Variants in ASTN2 observed in about 807,000 individuals in gnomAD.
ASTN2 encodes the protein astrotactin-2.
ASTN2 carries 54 observed loss-of-function variants against 139.8 expected under a neutral mutation model. The observed-to-expected ratio is 0.39, with a 90% CI of 0.31 to 0.48. ASTN2 has a LOEUF of 0.48. Ranked by LOEUF, ASTN2 falls within the 20% of genes least tolerant of loss-of-function variation. The probability of loss-of-function intolerance (pLI) is 0.95; values close to 1 mark genes in which losing one functional copy is unlikely to be tolerated. For synonymous variants in ASTN2, 756 were observed against 719.5 expected, an observed-to-expected ratio of 1.05 and a Z score of -0.81; for missense variants, 1,565 against 1,725.1, an observed-to-expected ratio of 0.91 and a Z score of 1.64.
intron 4 of ASTN2, among the ~76,000 whole-genome samples, chr9:117,116,129 G>C (rs2132800187): frequency 6.6e-6 from 1 of 151,876 alleles, no homozygotes; most frequent in Admixed American, 6.6e-5. Context: ...GTATAATAAG[G>C]CTACAGCATA....
At chr9:116,583,596 T>C (rs1315174859) in intron 19 of ASTN2, 1 of 151,132 alleles carries the variant, frequency 6.6e-6, no homozygotes, top group East Asian at 2.0e-4. Flanking sequence ...AAAAAAAAGT[T>C]TTCAGAAGGT....
chr9:117,161,230 C>T (rs1830543714), intron 3 of ASTN2, among the ~76,000 whole-genome samples: 1 of 151,860 alleles, frequency 6.6e-6, no homozygotes, highest in Non-Finnish European at 1.5e-5. Context: ...CATTCTCTTA[C>T]CATGTTGTTT....
intron 17 of ASTN2, among the ~76,000 whole-genome samples, chr9:116,643,573 C>T (rs944851769): frequency 3.3e-5 from 5 of 152,180 alleles, no homozygotes; most frequent in African/African-American, 1.2e-4. Flanking sequence ...GTTCAAGCTT[C>T]TCTGGGGTTC....
chr9:116,926,462 C>A (rs1286436761), intron 10 of ASTN2, among the ~76,000 whole-genome samples: 2 of 152,134 alleles, frequency 1.3e-5, no homozygotes, highest in Non-Finnish European at 2.9e-5. Flanking sequence ...TTGGTCCCTG[C>A]CTTCATGTTA....
intron 5 of ASTN2, among the ~76,000 whole-genome samples, chr9:117,055,340 G>A (rs1351308008): frequency 2.0e-5 from 3 of 152,224 alleles, no homozygotes; most frequent in South Asian, 2.1e-4. Context: ...GACTGGGCCA[G>A]GTGTAGAGGC....
chr9:116,854,934 G>C (rs958948090), intron 11 of ASTN2, among the ~76,000 whole-genome samples: 6 of 151,760 alleles, frequency 4.0e-5, no homozygotes, highest in Admixed American at 1.3e-4. Flanking sequence ...TTACAGGTTT[G>C]AGCCACCGCG....
intron 19 of ASTN2, chr9:116,610,885 T>C (rs1458099008): frequency 6.8e-6 from 1 of 147,140 alleles, no homozygotes; most frequent in Non-Finnish European, 1.5e-5. Context: ...CTCTCAAATA[T>C]TGATACAAGA....
intron 10 of ASTN2, among the ~76,000 whole-genome samples, chr9:116,912,248 G>C (rs1435855780): frequency 6.6e-6 from 1 of 152,242 alleles, no homozygotes; most frequent in Non-Finnish European, 1.5e-5. Context: ...ACTTAACTGT[G>C]AGTGTGGAGA....
intron 1 of ASTN2, among the ~76,000 whole-genome samples, chr9:117,378,960 A>G (rs1830195851): frequency 6.6e-6 from 1 of 151,994 alleles, no homozygotes; most frequent in Non-Finnish European, 1.5e-5. Flanking sequence ...GTTTAAAAGT[A>G]TGCACCACCT....
At chr9:116,574,756 G>C (rs1049272835) in intron 19 of ASTN2, among the ~76,000 whole-genome samples, 3 of 152,176 alleles carry the variant, frequency 2.0e-5, no homozygotes, top group African/African-American at 4.8e-5. Context: ...AAGCCAACGT[G>C]CAGAAGTCCC....
chr9:116,957,924 C>T (rs964410692), intron 10 of ASTN2, among the ~76,000 whole-genome samples: 2 of 152,198 alleles, frequency 1.3e-5, no homozygotes, highest in Non-Finnish European at 2.9e-5. Context: ...CGTGATCCAC[C>T]TGCCTTGGCC....
intron 1 of ASTN2, among the ~76,000 whole-genome samples, chr9:117,345,327 A>C (rs57235156): frequency 0.013 from 1,929 of 152,312 alleles, 37 homozygotes; most frequent in African/African-American, 0.044. Context: ...ATCCCTGACC[A>C]GATGGATTTA....
chr9:116,880,585 C>T (rs531093902), intron 10 of ASTN2, among the ~76,000 whole-genome samples: 38 of 152,328 alleles, frequency 2.5e-4, no homozygotes, highest in African/African-American at 8.9e-4. Context: ...TCAGTTTCCT[C>T]ATCTGTGAAC....
At chr9:116,491,647 G>A (rs73522422) in intron 19 of ASTN2, among the ~76,000 whole-genome samples, 6,241 of 152,284 alleles carry the variant, frequency 0.041, 433 homozygotes, top group African/African-American at 0.14. Context: ...AGGTTTAAAT[G>A]CAATTTAGAT....
chr9:116,728,545 G>A (rs1394429449), intron 15 of ASTN2, among the ~76,000 whole-genome samples: 1 of 152,022 alleles, frequency 6.6e-6, no homozygotes, highest in Non-Finnish European at 1.5e-5. Context: ...GGGGTGTGGG[G>A]GTTATATAAG....
chr9:117,022,887 A>G (rs943434054), intron 6 of ASTN2, among the ~76,000 whole-genome samples: 1 of 152,080 alleles, frequency 6.6e-6, no homozygotes, highest in Non-Finnish European at 1.5e-5. Context: ...GTCTGAGAAG[A>G]CCACCTGTCC....
intron 11 of ASTN2, among the ~76,000 whole-genome samples, chr9:116,827,954 T>C (rs1351548885): frequency 6.6e-6 from 1 of 151,772 alleles, no homozygotes; most frequent in African/African-American, 2.4e-5. Flanking sequence ...AAGAAAACTA[T>C]ACACTAATAT....
chr9:116,993,957 AT>A (rs1167787843), intron 7 of ASTN2, among the ~76,000 whole-genome samples: 3 of 150,114 alleles, frequency 2.0e-5, no homozygotes, highest in Middle Eastern at 3.5e-3. Context: ...GGTGGCAGGG[AT>A]TTTTTTGTTT....
At chr9:116,816,396 T>C (rs1363798353) in intron 12 of ASTN2, among the ~76,000 whole-genome samples, 1 of 152,208 alleles carries the variant, frequency 6.6e-6, no homozygotes, top group African/African-American at 2.4e-5. Flanking sequence ...TCTACCATTC[T>C]GGTACTTGTG....
Sources: gnomAD v4.1 joint callset for allele counts (sites outside exome capture counted in the v4.1 genomes callset) on GRCh38, gnomAD v4.1.1 for gene constraint, MANE v1.5 for transcripts, NCBI Gene and HGNC (gene_info 2026-07-23, HGNC 2026-07-21) for gene names.